The following CDH12 variants were observed in gnomAD, a reference collection of about 807,000 sequenced individuals.
The protein encoded by CDH12 is cadherin 12, also known as cadherin-12.
Under a neutral mutation model 74.1 loss-of-function variants are expected in CDH12, and 41 were observed. The observed-to-expected ratio is 0.55, with a 90% CI of 0.43 to 0.72. The LOEUF (loss-of-function observed/expected upper bound fraction) is 0.72. CDH12 is among the 30% of genes least tolerant of loss of function. The pLI, the probability that CDH12 is intolerant of heterozygous loss-of-function variation, is 0.00. For synonymous variants in CDH12, 399 were observed against 355.0 expected, an observed-to-expected ratio of 1.12 and a Z score of -1.39; for missense variants, 945 against 977.2, an observed-to-expected ratio of 0.97 and a Z score of 0.44.
intron 4 of CDH12, among the ~76,000 whole-genome samples, chr5:22,136,931 G>T (rs549722172): frequency 7.3e-5 from 11 of 151,632 alleles, no homozygotes; most frequent in African/African-American, 2.7e-4. Context: ...AAATGATTCT[G>T]GAATTGTAAG....
At chr5:22,058,581 A>T (rs1235494692) in intron 5 of CDH12, among the ~76,000 whole-genome samples, 2 of 151,752 alleles carry the variant, frequency 1.3e-5, no homozygotes, top group Non-Finnish European at 2.9e-5. Context: ...TTAATCTGTT[A>T]AAATGGCCCC....
At chr5:21,932,623 G>A (rs970642069) in intron 6 of CDH12, among the ~76,000 whole-genome samples, 4 of 152,066 alleles carry the variant, frequency 2.6e-5, no homozygotes, top group Non-Finnish European at 4.4e-5. Context: ...TAGCAAGGCC[G>A]GGTGCGCTGG....
At chr5:22,774,310 C>T (rs192047247) in intron 1 of CDH12, among the ~76,000 whole-genome samples, 26 of 152,200 alleles carry the variant, frequency 1.7e-4, no homozygotes, top group African/African-American at 5.8e-4. Flanking sequence ...AACATGAAAT[C>T]ATGTCTTTTA....
intron 1 of CDH12, among the ~76,000 whole-genome samples, chr5:22,682,631 C>G (rs1207369359): frequency 1.3e-5 from 2 of 151,922 alleles, no homozygotes; most frequent in African/African-American, 4.8e-5. Flanking sequence ...TTTTGTCTGT[C>G]TAAAGTGGAA....
intron 6 of CDH12, among the ~76,000 whole-genome samples, chr5:21,923,116 T>C (rs1400594502): frequency 6.6e-6 from 1 of 152,134 alleles, no homozygotes; most frequent in Non-Finnish European, 1.5e-5. Context: ...GTTGTTTTAA[T>C]GCAATAAAGT....
chr5:21,794,548 T>C (rs1339749182), intron 10 of CDH12, among the ~76,000 whole-genome samples: 3 of 151,816 alleles, frequency 2.0e-5, no homozygotes, highest in Non-Finnish European at 4.4e-5. Flanking sequence ...TGTTTGTTTC[T>C]GAGTTTCTTT....
At chr5:22,510,784 G>A (rs1464436187) in intron 1 of CDH12, among the ~76,000 whole-genome samples, 2 of 151,700 alleles carry the variant, frequency 1.3e-5, no homozygotes. Flanking sequence ...AAAAACATAC[G>A]CTCCACAAAT....
At chr5:22,180,589 T>G (rs1003093072) in intron 4 of CDH12, among the ~76,000 whole-genome samples, 5 of 152,122 alleles carry the variant, frequency 3.3e-5, no homozygotes, top group African/African-American at 9.7e-5. Flanking sequence ...CTTAACTCAC[T>G]GCAACCTCTG....
rs1159388186 is a variant in CDH12 at position 22,752,545 on chromosome 5, CTTTTTTTTTTTTT to C, written c.-523+100500_-523+100512del. ...GATGAAGAAAGCAGATAGGATACTT[CTTTTTTTTTTTTT>C]TTTTTTTTTTTTTTTCTTTTTTTTT... On this transcript the variant is annotated intron_variant, in intron 1 of 14. Transcript: ENST00000382254. 1.8e-3 allele frequency among the ~76,000 whole-genome samples: 121 copies of C among 65,752 alleles called. 3 individuals are homozygous for C. The East Asian group carries it at 0.025, about 13-fold the overall frequency. 43.1% of individuals were successfully genotyped at this position (65,752 alleles called of 152,430 possible).
rs113878865 is a variant in CDH12 at position 22,229,982 on chromosome 5, G to A, written c.-332-17339C>T. On this transcript the variant is annotated intron_variant, in intron 3 of 14. Transcript: ENST00000382254. The stretch of plus-strand genomic sequence containing the variant: ...GATTATTAAATCAGTGAAAAATGAC[G>A]TCTATTAATAAATAGTGAGAGTAGG... Among the ~76,000 whole-genome samples the A allele has an allele frequency of 7.7e-3, 1,167 of 152,016 alleles. 18 individuals carry two copies. In the South Asian group the frequency reaches 0.077, roughly 10 times the overall value.
intron 1 of CDH12, among the ~76,000 whole-genome samples, chr5:22,585,518 G>A (rs891530717): frequency 6.6e-6 from 1 of 151,738 alleles, no homozygotes; most frequent in Non-Finnish European, 1.5e-5. Flanking sequence ...TATCTTCTTC[G>A]GGAAAATCCC....
chr5:21,963,396 G>A (rs1458529846), intron 6 of CDH12, among the ~76,000 whole-genome samples: 1 of 152,088 alleles, frequency 6.6e-6, no homozygotes, highest in Admixed American at 6.6e-5. Context: ...AGAGCATTAA[G>A]CTTTAATCTC....
intron 4 of CDH12, among the ~76,000 whole-genome samples, chr5:22,115,222 G>A (rs1218930526): frequency 1.3e-5 from 2 of 152,172 alleles, no homozygotes; most frequent in Non-Finnish European, 2.9e-5. Context: ...AGACTGTGGA[G>A]CGCTATGCAT....
chr5:22,582,921 C>T (rs1381280664), intron 1 of CDH12, among the ~76,000 whole-genome samples: 1 of 152,002 alleles, frequency 6.6e-6, no homozygotes, highest in African/African-American at 2.4e-5. Context: ...GATATAAACC[C>T]TCACATGTTT....
chr5:22,779,125 GAA>G (rs1420597066), intron 1 of CDH12, among the ~76,000 whole-genome samples: 20 of 151,944 alleles, frequency 1.3e-4, no homozygotes, highest in Middle Eastern at 3.4e-3. Context: ...AATCCTGAAG[GAA>G]GTTTGTACAA....
chr5:22,026,410 C>T (rs540569093), intron 5 of CDH12, among the ~76,000 whole-genome samples: 2 of 152,214 alleles, frequency 1.3e-5, no homozygotes, highest in East Asian at 3.9e-4. Flanking sequence ...CAACTGCTAA[C>T]CCTTGGTTTC....
chr5:22,240,982 GAGAA>G (rs1752731173), intron 3 of CDH12, among the ~76,000 whole-genome samples: 1 of 152,100 alleles, frequency 6.6e-6, no homozygotes. Context: ...AGGAGGAGAA[GAGAA>G]AGAATGGAGG....
intron 1 of CDH12, among the ~76,000 whole-genome samples, chr5:22,633,716 A>T (rs268986): frequency 0.34 from 51,441 of 152,016 alleles, 9,176 homozygotes; most frequent in African/African-American, 0.44. Flanking sequence ...AATCTAGGCT[A>T]GAATCTGTAT....
At chr5:22,378,044 GT>G (rs758462109) in intron 3 of CDH12, among the ~76,000 whole-genome samples, 1 of 152,014 alleles carries the variant, frequency 6.6e-6, no homozygotes, top group African/African-American at 2.4e-5. Flanking sequence ...ATAATAACGT[GT>G]TTTTTTCCTC....
Sources: allele counts gnomAD v4.1 joint callset (sites outside exome capture counted in the v4.1 genomes callset), GRCh38; gene constraint gnomAD v4.1.1; transcripts MANE v1.5; gene names NCBI Gene and HGNC (gene_info 2026-07-23, HGNC 2026-07-21).